CCDC88C: variants seen among roughly 807,000 people sequenced by gnomAD.
CCDC88C encodes the protein coiled-coil and HOOK domain protein 88C.
In CCDC88C, 131 loss-of-function variants were observed where a neutral mutation model predicts 198.8. The ratio of observed to expected loss-of-function variants is 0.66; its 90% CI spans 0.57 to 0.76. The LOEUF (loss-of-function observed/expected upper bound fraction) is 0.76. Among genes scored for constraint, CCDC88C ranks in the 30% least tolerant of loss-of-function variants. The probability of loss-of-function intolerance (pLI) is 0.00; values close to 1 mark genes in which losing one functional copy is unlikely to be tolerated. For missense variants in CCDC88C, 2,553 were observed against 2,631.6 expected (o/e 0.97, Z 0.65); for synonymous variants, 1,166 against 1,114.7 (o/e 1.05, Z -0.92).
At chr14:91,332,397 C>T (rs1892874741) in intron 10 of CCDC88C, among the ~76,000 whole-genome samples, 1 of 152,190 alleles carries the variant, frequency 6.6e-6, no homozygotes, top group Non-Finnish European at 1.5e-5. Flanking sequence ...TTTGTTTTTT[C>T]ACCTCTTATG....
chr14:91,409,184 G>A (rs547307103), intron 2 of CCDC88C, among the ~76,000 whole-genome samples: 1 of 77,034 alleles, frequency 1.3e-5, no homozygotes, highest in South Asian at 5.1e-4. Context: ...GAGAAAAATG[G>A]TAGTTTTTTT....
In CCDC88C at chr14:91,303,892, C is replaced by A. The variant is rs373650349; in HGVS notation, c.3444G>T (p.Thr1148=). 1 of 1,612,844 alleles carries A rather than the reference C, an allele frequency of 6.2e-7. No homozygotes were observed. Among genetic ancestry groups the A allele is most frequent in the Non-Finnish European group, 8.5e-7 (1 of 1,179,894 alleles). ...GCTGCCTCTGCAGGCTTTCGTTCTC[C>A]GTCTCCTTGGCCGTGTGGTGGTTCT... The part of the protein sequence containing the change: ...LLQNHHTAKE[T]ENESLQRQQE... Residue 1148 remains threonine (T), a synonymous_variant, in exon 20 of 30, where the codon ACG becomes ACT. Transcript: ENST00000389857.
chr14:91,354,513 C>T (rs956231019), intron 4 of CCDC88C, among the ~76,000 whole-genome samples: 1 of 152,182 alleles, frequency 6.6e-6, no homozygotes, highest in Non-Finnish European at 1.5e-5. Flanking sequence ...ATGGTGAAGG[C>T]GGTTTTCAGG....
At chr14:91,276,879 T>C (rs921516785) in intron 29 of CCDC88C, among the ~76,000 whole-genome samples, 10 of 152,134 alleles carry the variant, frequency 6.6e-5, no homozygotes, top group African/African-American at 2.2e-4. Context: ...CAACAGGCAG[T>C]GTTTAGGGTG....
Position 91,393,988 on chromosome 14 carries a change from G to A in CCDC88C, c.270+14671C>T, listed in dbSNP as rs1596153634. Among the ~76,000 whole-genome samples, 3 of 152,296 alleles carry A rather than the reference G, an allele frequency of 2.0e-5. No individual in the cohort carries two copies. In the Middle Eastern group the frequency reaches 0.01, roughly 518 times the overall value. On this transcript the variant is annotated intron_variant, in intron 3 of 29. Transcript: ENST00000389857. ...CTGCTCCGGAGTTTCTGTCCTTTAAGTAGCCACAATTCCACACTTTAAAGG... is the reference window on the plus strand; with the variant it reads ...CTGCTCCGGAGTTTCTGTCCTTTAAATAGCCACAATTCCACACTTTAAAGG...
At chr14:91,399,043 G>A (rs1411243859) in intron 3 of CCDC88C, among the ~76,000 whole-genome samples, 1 of 152,100 alleles carries the variant, frequency 6.6e-6, no homozygotes, top group Non-Finnish European at 1.5e-5. Context: ...CTCTCCCTCT[G>A]GTCCTCCCAC....
intron 3 of CCDC88C, among the ~76,000 whole-genome samples, chr14:91,401,625 G>A (rs191717293): frequency 1.2e-3 from 189 of 151,970 alleles, no homozygotes; most frequent in African/African-American, 4.4e-3. Context: ...GTGAGCCACC[G>A]CACCTGGCCA....
intron 23 of CCDC88C, among the ~76,000 whole-genome samples, chr14:91,293,531 TGC>T (rs1567055750): frequency 2.9e-4 from 4 of 13,890 alleles, no homozygotes; most frequent in Non-Finnish European, 2.5e-4. Flanking sequence ...TCCCCTCACC[TGC>T]CACGGCCCAC....
At chr14:91,384,265 C>T (rs1025720656) in intron 3 of CCDC88C, 22 of 345,102 alleles carry the variant, frequency 6.4e-5, no homozygotes, top group African/African-American at 4.3e-4. Flanking sequence ...AGCGAGACCC[C>T]CATCTCTCTT....
At chr14:91,407,853 G>A (rs1201103176) in intron 3 of CCDC88C, among the ~76,000 whole-genome samples, 1 of 149,402 alleles carries the variant, frequency 6.7e-6, no homozygotes, top group Non-Finnish European at 1.5e-5. Context: ...CATGACCTTG[G>A]CTCACTGCAA....
intron 16 of CCDC88C, 79 bp from the exon 17 acceptor site, chr14:91,308,571 T>A: frequency 7.1e-7 from 1 of 1,413,322 alleles, no homozygotes; most frequent in South Asian, 1.2e-5. Flanking sequence ...TGCCAACACA[T>A]CACTCCTTCC....
chr14:91,272,379 AT>A lies in CCDC88C; in HGVS notation c.*245del, dbSNP rs1555413246. The A allele has an allele frequency of 3.8e-6, 2 of 528,760 alleles. No homozygotes were observed. Among genetic ancestry groups the A allele is most frequent in the Non-Finnish European group, 6.6e-6 (2 of 300,758 alleles). 32.8% of individuals were successfully genotyped at this position (528,760 alleles called of 1,614,324 possible). A position where few individuals can be genotyped will look rare whatever the true frequency, so the allele number is the denominator to read the frequency against. ...ATTGGTCCCCATGCTGACGTGGATTATTTGTTCCAAAGATATCAGCTGCTGG... is the reference window on the plus strand; with the variant it reads ...ATTGGTCCCCATGCTGACGTGGATTATTGTTCCAAAGATATCAGCTGCTGG... On this transcript the variant is annotated 3_prime_UTR_variant, in exon 30 of 30. Coordinates refer to ENST00000389857, the MANE Select transcript of CCDC88C (RefSeq NM_001080414.4).
rs1357349433 is a variant in CCDC88C, at chr14:91,352,409, G to A, written c.340+7233C>T. Among the ~76,000 whole-genome samples the A allele has an allele frequency of 2.6e-5, 4 of 152,206 alleles. No individual in the cohort carries two copies. The highest frequency in any genetic ancestry group is 9.7e-5 in the African/African-American group (4 of 41,450). ...CTCCTGGCTTAAGTGCCCCAGCACCGCACGTGGACTGGAGCCCTCATTTCC... is the reference window on the plus strand; with the variant it reads ...CTCCTGGCTTAAGTGCCCCAGCACCACACGTGGACTGGAGCCCTCATTTCC... On this transcript the variant is annotated intron_variant, in intron 4 of 29. Coordinates refer to ENST00000389857, the MANE Select transcript of CCDC88C (RefSeq NM_001080414.4). The surrounding 1 kb of genome is among the most constrained non-coding windows in gnomAD (Gnocchi z 4.2).
chr14:91,351,693 T>C (rs1272571877), intron 4 of CCDC88C, among the ~76,000 whole-genome samples: 2 of 151,964 alleles, frequency 1.3e-5, no homozygotes, highest in Non-Finnish European at 2.9e-5. Flanking sequence ...TGGCAGGCGC[T>C]AAGCTGCATG....
intron 3 of CCDC88C, among the ~76,000 whole-genome samples, chr14:91,377,349 G>A (rs2139942540): frequency 6.6e-6 from 1 of 152,326 alleles, no homozygotes; most frequent in Non-Finnish European, 1.5e-5. Flanking sequence ...ATGAGAGCCG[G>A]AGCGATGGTG....
At chr14:91,378,318 C>G (rs1232430085) in intron 3 of CCDC88C, among the ~76,000 whole-genome samples, 3 of 152,140 alleles carry the variant, frequency 2.0e-5, no homozygotes, top group Admixed American at 6.5e-5. Flanking sequence ...GCAGACTCCA[C>G]CCCCTCCCCC....
In CCDC88C at chr14:91,313,399, A is replaced by G. The variant is rs769555767; in HGVS notation, c.2417T>C (p.Leu806Pro). 3 of 1,607,942 alleles carry G rather than the reference A, an allele frequency of 1.9e-6. No homozygotes were observed. The highest frequency in any genetic ancestry group is 2.5e-6 in the Non-Finnish European group (3 of 1,179,622). ...CTCCAACTGTGCATTGGCCAGCCGG[A>G]GGGCCTCCAGGTCCCGCCGCAGCGC... is the stretch of plus-strand genomic sequence containing the variant. ...RQALRRDLEA[L>P]RLANAQLEGA... Residue 806 changes from leucine (L) to proline (P), a missense_variant, in exon 15 of 30, where the codon CTC becomes CCC. Physicochemically the swap from Leu to Pro is moderately conservative, Grantham distance 98. Coordinates refer to ENST00000389857, the MANE Select transcript of CCDC88C (RefSeq NM_001080414.4). The surrounding 1 kb of genome is among the most constrained non-coding windows in gnomAD (Gnocchi z 5.2).
intron 2 of CCDC88C, among the ~76,000 whole-genome samples, chr14:91,410,531 T>C (rs1194700313): frequency 6.6e-6 from 1 of 152,202 alleles, no homozygotes; most frequent in East Asian, 1.9e-4. Flanking sequence ...ACATGTTACA[T>C]GTTTCTCTTG....
At chr14:91,372,334 C>G (rs1555426397) in intron 3 of CCDC88C, among the ~76,000 whole-genome samples, 1 of 151,882 alleles carries the variant, frequency 6.6e-6, no homozygotes, top group Non-Finnish European at 1.5e-5. Flanking sequence ...TCCTGGGGAG[C>G]TCACAGCCTG....
Sources: allele counts gnomAD v4.1 joint callset (sites outside exome capture counted in the v4.1 genomes callset), GRCh38; gene constraint gnomAD v4.1.1; non-coding constraint Gnocchi (gnomAD v3.1); transcripts MANE v1.5; gene names NCBI Gene and HGNC (gene_info 2026-07-23, HGNC 2026-07-21).